Variants in ST18 observed in about 807,000 individuals in gnomAD.
The protein encoded by ST18 is ST18 C2H2C-type zinc finger transcription factor, also known as suppression of tumorigenicity 18 protein.
A neutral mutation model predicts 110.0 loss-of-function variants in ST18; 50 were observed. The ratio of observed to expected loss-of-function variants is 0.45; its 90% CI spans 0.36 to 0.58. The LOEUF is 0.58. Ranked by LOEUF, ST18 falls within the 20% of genes least tolerant of loss-of-function variation. The pLI, the probability that ST18 is intolerant of heterozygous loss-of-function variation, is 0.00. For synonymous variants in ST18, 461 were observed against 452.4 expected, an observed-to-expected ratio of 1.02 and a Z score of -0.24; for missense variants, 1,306 against 1,280.1, an observed-to-expected ratio of 1.02 and a Z score of -0.31.
At chr8:52,114,720 C>T (rs2041910196) in intron 25 of ST18, among the ~76,000 whole-genome samples, 1 of 152,162 alleles carries the variant, frequency 6.6e-6, no homozygotes, top group African/African-American at 2.4e-5. Flanking sequence ...CTCTGCAGGG[C>T]CGGGCCCACT....
rs1827328256 is a variant in ST18 at position 52,365,121 on chromosome 8, A to AC, written c.-465+44206_-465+44207insG. Among the ~76,000 whole-genome samples, 3 of 151,416 alleles carry AC rather than the reference A, an allele frequency of 2.0e-5. No homozygotes were observed. In the South Asian group the frequency reaches 6.3e-4, roughly 32 times the overall value. On this transcript the variant is annotated intron_variant, in intron 2 of 25. Transcript: ENST00000689386. ...AGAGCGAGACTCTGTCTTAAAAAAAAAATAAAGAGAAAGTTCCTTCAGACA... is the reference window on the plus strand; with the variant it reads ...AGAGCGAGACTCTGTCTTAAAAAAAACAATAAAGAGAAAGTTCCTTCAGACA...
At chr8:52,369,133 G>A (rs1829291327) in intron 2 of ST18, among the ~76,000 whole-genome samples, 1 of 152,150 alleles carries the variant, frequency 6.6e-6, no homozygotes, top group Admixed American at 6.5e-5. Context: ...AATGTCTATT[G>A]GAATCTGAAT....
At chr8:52,365,328 C>A (rs934997251) in intron 2 of ST18, among the ~76,000 whole-genome samples, 2 of 152,052 alleles carry the variant, frequency 1.3e-5, no homozygotes, top group African/African-American at 4.8e-5. Context: ...CAGGCTATAG[C>A]AAGAACCAGG....
intron 2 of ST18, among the ~76,000 whole-genome samples, chr8:52,341,193 GTTTTGT>G (rs759509493): frequency 9.2e-5 from 14 of 152,230 alleles, no homozygotes; most frequent in African/African-American, 2.9e-4. Context: ...AAAGTTTTGT[GTTTTGT>G]TTTTGTTTTT....
At chr8:52,290,482 G>A (rs1430495056) in intron 2 of ST18, among the ~76,000 whole-genome samples, 1 of 152,142 alleles carries the variant, frequency 6.6e-6, no homozygotes, top group Non-Finnish European at 1.5e-5. Flanking sequence ...ACAAAGAATA[G>A]AGAAGCCAAA....
chr8:52,308,100 C>G (rs930920799), intron 2 of ST18, among the ~76,000 whole-genome samples: 1 of 152,158 alleles, frequency 6.6e-6, no homozygotes, highest in African/African-American at 2.4e-5. Context: ...GCCAGGAAGA[C>G]CCAGGGAGAA....
intron 2 of ST18, among the ~76,000 whole-genome samples, chr8:52,382,724 G>C (rs929035390): frequency 3.3e-5 from 5 of 151,910 alleles, no homozygotes; most frequent in African/African-American, 7.3e-5. Flanking sequence ...GGAAGGAAGA[G>C]AAGCTCCTTC....
intron 2 of ST18, among the ~76,000 whole-genome samples, chr8:52,396,019 T>A (rs904585313): frequency 3.9e-5 from 6 of 152,178 alleles, no homozygotes; most frequent in African/African-American, 1.4e-4. Flanking sequence ...TAGCTCTTTT[T>A]TTAAATGAAT....
intron 2 of ST18, among the ~76,000 whole-genome samples, chr8:52,320,641 T>A (rs774076319): frequency 1.8e-4 from 27 of 152,212 alleles, no homozygotes; most frequent in Admixed American, 3.9e-4. Flanking sequence ...AAGTGCTAAC[T>A]GAAACTACCG....
At chr8:52,118,471 A>G (rs1279056715) in intron 23 of ST18, 30 bp from the exon 24 acceptor site, 1 of 1,345,304 alleles carries the variant, frequency 7.4e-7, no homozygotes. Context: ...CTTAGTTCAA[A>G]CTGAAAACTG....
intron 2 of ST18, among the ~76,000 whole-genome samples, chr8:52,266,162 G>A (rs1265767235): frequency 6.6e-6 from 1 of 152,146 alleles, no homozygotes; most frequent in East Asian, 1.9e-4. Context: ...TGGTAAGGTT[G>A]TCAAAAACAA....
intron 2 of ST18, among the ~76,000 whole-genome samples, chr8:52,384,069 G>C (rs1835603168): frequency 6.6e-6 from 1 of 152,166 alleles, no homozygotes; most frequent in Non-Finnish European, 1.5e-5. Flanking sequence ...CTCAGGATAT[G>C]CTTCATACAT....
intron 2 of ST18, chr8:52,404,196 T>G (rs1369437840): frequency 6.6e-6 from 1 of 152,156 alleles, no homozygotes; most frequent in Admixed American, 6.5e-5. Flanking sequence ...ATAAATAAAT[T>G]TGATTAACCA....
chr8:52,408,372 G>A (rs1358000163), intron 2 of ST18, among the ~76,000 whole-genome samples: 1 of 152,184 alleles, frequency 6.6e-6, no homozygotes, highest in Admixed American at 6.5e-5. Context: ...ACCAACTGCC[G>A]GAAAATCAGA....
intron 2 of ST18, among the ~76,000 whole-genome samples, chr8:52,362,809 C>G (rs1014428685): frequency 6.6e-6 from 1 of 152,150 alleles, no homozygotes; most frequent in Non-Finnish European, 1.5e-5. Flanking sequence ...GTCCTTCTTA[C>G]ACTTAATGCC....
chr8:52,179,524 G>C (rs538944038), intron 9 of ST18, among the ~76,000 whole-genome samples: 2 of 152,194 alleles, frequency 1.3e-5, no homozygotes, highest in Non-Finnish European at 2.9e-5. Context: ...ACTTGAGGTT[G>C]CTTCTATACT....
chr8:52,266,298 T>C (rs1485774763), intron 2 of ST18, among the ~76,000 whole-genome samples: 1 of 152,070 alleles, frequency 6.6e-6, no homozygotes, highest in Non-Finnish European at 1.5e-5. Context: ...AGCAGAGTAA[T>C]AGGGATGTAA....
At chr8:52,213,183 A>G (rs1302694039) in intron 7 of ST18, among the ~76,000 whole-genome samples, 1 of 152,222 alleles carries the variant, frequency 6.6e-6, no homozygotes, top group African/African-American at 2.4e-5. Context: ...TAATATGAGC[A>G]CAGCATTATT....
At chr8:52,120,784 A>G (rs1181306537) in intron 23 of ST18, among the ~76,000 whole-genome samples, 1 of 152,220 alleles carries the variant, frequency 6.6e-6, no homozygotes, top group Non-Finnish European at 1.5e-5. Flanking sequence ...GAGACAGAGC[A>G]GAAGCGAGGA....
Sources: allele counts gnomAD v4.1 joint callset (sites outside exome capture counted in the v4.1 genomes callset), GRCh38; gene constraint gnomAD v4.1.1; transcripts MANE v1.5; gene names NCBI Gene and HGNC (gene_info 2026-07-23, HGNC 2026-07-21).